DAGLA: variants seen among roughly 807,000 people sequenced by gnomAD.
DAGLA encodes diacylglycerol lipase alpha.
In DAGLA, 22 loss-of-function variants were observed where a neutral mutation model predicts 102.6. That is an observed-to-expected ratio of 0.21 (90% CI 0.15 to 0.31). DAGLA has a LOEUF of 0.31. DAGLA is among the 10% of genes least tolerant of loss of function. DAGLA has a pLI of 1.00. For synonymous variants in DAGLA, 578 were observed against 628.9 expected, an observed-to-expected ratio of 0.92 and a Z score of 1.21; for missense variants, 927 against 1,446.6, an observed-to-expected ratio of 0.64 and a Z score of 5.83.
intron 1 of DAGLA, among the ~76,000 whole-genome samples, chr11:61,719,002 C>T (rs1354603588): frequency 1.3e-5 from 2 of 152,198 alleles, no homozygotes; most frequent in African/African-American, 4.8e-5. Flanking sequence ...GGACCAGGTG[C>T]CATGTAAGCC....
chr11:61,728,090 C>G (rs1008310415), intron 6 of DAGLA, 63 bp from the exon 7 acceptor site: 2 of 1,591,894 alleles, frequency 1.3e-6, no homozygotes, highest in African/African-American at 2.7e-5. Flanking sequence ...GGGATTTACT[C>G]CTGGCCTCTC....
intron 15 of DAGLA, 120 bp from the exon 16 acceptor site, chr11:61,738,015 G>A: frequency 2.5e-6 from 2 of 807,740 alleles, no homozygotes; most frequent in Non-Finnish European, 4.1e-6. Context: ...CCGTGACCCT[G>A]GCTGACGTGT....
intron 5 of DAGLA, among the ~76,000 whole-genome samples, chr11:61,725,007 C>T (rs1034140947): frequency 6.6e-6 from 1 of 152,114 alleles, no homozygotes; most frequent in African/African-American, 2.4e-5. Context: ...TCCTTAGACA[C>T]ACGGAGGAGC....
At chr11:61,701,331 G>A (rs531734218) in intron 1 of DAGLA, among the ~76,000 whole-genome samples, 3 of 152,332 alleles carry the variant, frequency 2.0e-5, no homozygotes, top group African/African-American at 7.2e-5. Context: ...GGGGCCATGG[G>A]GACTAGGAGC....
chr11:61,722,762 G>A (rs2065294840), intron 3 of DAGLA, 97 bp from the exon 4 acceptor site: 1 of 1,047,040 alleles, frequency 9.6e-7, no homozygotes, highest in African/African-American at 1.6e-5. Flanking sequence ...TGAGCTGGCT[G>A]AAAGCCCAGC....
At chr11:61,706,477 A>G (rs1002528394) in intron 1 of DAGLA, among the ~76,000 whole-genome samples, 3 of 152,006 alleles carry the variant, frequency 2.0e-5, no homozygotes, top group African/African-American at 7.3e-5. Context: ...TTGGGGTTTT[A>G]TCTGCTGGCC....
intron 1 of DAGLA, among the ~76,000 whole-genome samples, chr11:61,711,702 G>A (rs2065195469): frequency 6.6e-6 from 1 of 152,252 alleles, no homozygotes; most frequent in African/African-American, 2.4e-5. Context: ...GGCAAATTCT[G>A]CTCATTGTGG....
intron 1 of DAGLA, among the ~76,000 whole-genome samples, chr11:61,682,373 G>A (rs769937183): frequency 2.6e-5 from 4 of 152,138 alleles, no homozygotes; most frequent in Admixed American, 2.0e-4. Context: ...GAAGGGAGCC[G>A]GAAGGTTGAG....
Position 61,703,896 on chromosome 11 carries a change from C to T in DAGLA, c.-44-16216C>T, listed in dbSNP as rs577026921. The stretch of plus-strand genomic sequence containing the variant: ...AAGATCCAAAGATCCAGGGAAACTC[C>T]ATTTTTATGCTTAAGTTTGAGGAGG... On this transcript the variant is annotated intron_variant, in intron 1 of 19. Coordinates refer to ENST00000257215, the MANE Select transcript of DAGLA (RefSeq NM_006133.3). Among the ~76,000 whole-genome samples, 314 of 152,314 alleles carry T rather than the reference C, an allele frequency of 2.1e-3. 5 individuals carry two copies. In the South Asian group the frequency reaches 0.03, roughly 14 times the overall value.
intron 1 of DAGLA, among the ~76,000 whole-genome samples, chr11:61,715,071 A>G (rs1591037843): frequency 6.6e-6 from 1 of 152,154 alleles, no homozygotes; most frequent in Admixed American, 6.5e-5. Flanking sequence ...GAGGTTAAGT[A>G]CCTTGTCCAA....
At chr11:61,690,139 C>G (rs1233783195) in intron 1 of DAGLA, among the ~76,000 whole-genome samples, 1 of 152,198 alleles carries the variant, frequency 6.6e-6, no homozygotes, top group Non-Finnish European at 1.5e-5. Context: ...GGCCAGAACA[C>G]CAGCCGTATC....
At chr11:61,735,107 G>T in intron 10 of DAGLA, 105 bp downstream of exon 10, 1 of 1,347,358 alleles carries the variant, frequency 7.4e-7, no homozygotes, top group Non-Finnish European at 1.0e-6. Context: ...CTTGGCTGGT[G>T]CTGGCTGGCT....
chr11:61,693,821 C>T (rs759845235), intron 1 of DAGLA, among the ~76,000 whole-genome samples: 3 of 152,242 alleles, frequency 2.0e-5, no homozygotes, highest in African/African-American at 4.8e-5. Flanking sequence ...TGATGATCCC[C>T]AGGGCTTCAC....
At chr11:61,738,336 T>A in intron 16 of DAGLA, 129 bp downstream of exon 16, 1 of 714,464 alleles carries the variant, frequency 1.4e-6, no homozygotes, top group Non-Finnish European at 2.3e-6. Flanking sequence ...GTGGCTGGTG[T>A]TGTGGGAACT....
At chr11:61,740,655 G>T in intron 18 of DAGLA, 63 bp downstream of exon 18, 1 of 1,583,002 alleles carries the variant, frequency 6.3e-7, no homozygotes, top group Middle Eastern at 1.7e-4. Flanking sequence ...TCAGAACCCC[G>T]TAAGCACCAT....
chr11:61,723,674 A>G, intron 5 of DAGLA, 102 bp downstream of exon 5: 3 of 1,467,044 alleles, frequency 2.0e-6, no homozygotes, highest in Admixed American at 3.8e-5. Flanking sequence ...CCCAGACTGC[A>G]TGCCAACCTC....
At chr11:61,720,962 T>G (rs1284199793) in intron 3 of DAGLA, 72 bp downstream of exon 3, 43 of 1,440,018 alleles carry the variant, frequency 3.0e-5, no homozygotes, top group Non-Finnish European at 3.6e-5. Context: ...CAGTATTTAC[T>G]GCGCACATGT....
In DAGLA at chr11:61,696,276, A is replaced by G. The variant is rs181269955; in HGVS notation, c.-45+15772A>G. Reference sequence around the variant, plus strand: ...TCAGCCTAGGCATGAGTTCTCTGTGAAGGTGTCTGGATAGTGACAGCGATT... The same window carrying G: ...TCAGCCTAGGCATGAGTTCTCTGTGGAGGTGTCTGGATAGTGACAGCGATT... On this transcript the variant is annotated intron_variant, in intron 1 of 19. Transcript: ENST00000257215. Among the ~76,000 whole-genome samples, 55 of 152,198 alleles carry G rather than the reference A, an allele frequency of 3.6e-4. 1 individual carries two copies. Among genetic ancestry groups the G allele is most frequent in the Non-Finnish European group, 7.4e-4 (50 of 68,010 alleles).
chr11:61,721,177 C>CTT (rs2065279319), intron 3 of DAGLA, among the ~76,000 whole-genome samples: 1 of 152,150 alleles, frequency 6.6e-6, no homozygotes, highest in Non-Finnish European at 1.5e-5. Context: ...AGGTGGATCA[C>CTT]AAGGTCAGGA....
Sources: gnomAD v4.1 joint callset for allele counts (sites outside exome capture counted in the v4.1 genomes callset) on GRCh38, gnomAD v4.1.1 for gene constraint, MANE v1.5 for transcripts, NCBI Gene and HGNC (gene_info 2026-07-23, HGNC 2026-07-21) for gene names.